SOX5: variants seen among roughly 807,000 people sequenced by gnomAD.
SOX5 encodes SRY-box transcription factor 5, also known as transcription factor SOX-5.
Under a neutral mutation model 92.0 loss-of-function variants are expected in SOX5, and 9 were observed. The observed-to-expected ratio is 0.10, with a 90% CI of 0.06 to 0.17. SOX5 has a LOEUF of 0.17. SOX5 is among the 10% of genes least tolerant of loss of function. The pLI is 1.00. For missense variants in SOX5, 642 were observed against 944.5 expected, an observed-to-expected ratio of 0.68 and a Z score of 4.20; for synonymous variants, 344 against 336.3, an observed-to-expected ratio of 1.02 and a Z score of -0.25.
In SOX5 at chr12:23,704,731, C is replaced by CACACAT. The variant is rs368949647; in HGVS notation, c.810+29952_810+29953insATGTGT. Among the ~76,000 whole-genome samples the CACACAT allele has an allele frequency of 3.5e-3, 462 of 130,914 alleles. 9 individuals are homozygous for CACACAT. Among genetic ancestry groups the CACACAT allele is most frequent in the African/African-American group, 0.012 (425 of 36,096 alleles). The allele number at this position is 130,914 out of a possible 152,430, so 85.9% of individuals were successfully genotyped here. A position where few individuals can be genotyped will look rare whatever the true frequency, so the allele number is the denominator to read the frequency against. ...ATATATATATACACACACACACACA[C>CACACAT]ATACACACATACATGCAGACAGATA... is the stretch of plus-strand genomic sequence containing the variant. On this transcript the variant is annotated intron_variant, in intron 6 of 14. Transcript: ENST00000451604.
intron 4 of SOX5, among the ~76,000 whole-genome samples, chr12:24,148,645 T>C (rs947580419): frequency 4.6e-5 from 6 of 129,888 alleles, no homozygotes; most frequent in African/African-American, 1.8e-4. Flanking sequence ...AGGACAAGAG[T>C]TTGAGACCAG....
chr12:23,974,132 A>G (rs1357074247), intron 4 of SOX5, among the ~76,000 whole-genome samples: 2 of 152,218 alleles, frequency 1.3e-5, no homozygotes, highest in Non-Finnish European at 2.9e-5. Context: ...ACAATGTACT[A>G]CAATAAAACA....
chr12:24,130,341 G>A (rs572028682), intron 4 of SOX5, among the ~76,000 whole-genome samples: 5 of 152,174 alleles, frequency 3.3e-5, no homozygotes, highest in Non-Finnish European at 7.4e-5. Context: ...TAGCTCCAAT[G>A]AGTAAGAAAT....
chr12:24,431,044 G>A (rs972426833), intron 1 of SOX5, among the ~76,000 whole-genome samples: 7 of 152,136 alleles, frequency 4.6e-5, no homozygotes, highest in African/African-American at 1.7e-4. Context: ...TCCCATAGAT[G>A]AGCAAATATA....
chr12:24,204,592 G>A (rs1241183123), intron 4 of SOX5, among the ~76,000 whole-genome samples: 9 of 152,116 alleles, frequency 5.9e-5, no homozygotes, highest in Admixed American at 5.2e-4. Context: ...GCCTCCCAAA[G>A]TGTTAAGATT....
chr12:24,251,459 T>G (rs905850005), intron 3 of SOX5, among the ~76,000 whole-genome samples: 2 of 152,204 alleles, frequency 1.3e-5, no homozygotes, highest in East Asian at 1.9e-4. Flanking sequence ...TTTGCCTTAT[T>G]TCTTAGGGTC....
chr12:23,835,590 T>C (rs984066002), intron 3 of SOX5, among the ~76,000 whole-genome samples: 2 of 151,902 alleles, frequency 1.3e-5, no homozygotes, highest in Non-Finnish European at 2.9e-5. Context: ...AAAAGTTTTC[T>C]GGAAAATTGA....
chr12:24,444,740 T>C (rs549887367), intron 1 of SOX5, among the ~76,000 whole-genome samples: 31 of 152,268 alleles, frequency 2.0e-4, no homozygotes, highest in African/African-American at 7.2e-4. Flanking sequence ...GGGAGGTATA[T>C]AGACAGCCCA....
intron 1 of SOX5, among the ~76,000 whole-genome samples, chr12:24,503,255 G>A (rs1438375717): frequency 6.6e-6 from 1 of 152,168 alleles, no homozygotes; most frequent in Non-Finnish European, 1.5e-5. Flanking sequence ...TTTTTAGCCA[G>A]GCATCATGGC....
intron 3 of SOX5, among the ~76,000 whole-genome samples, chr12:23,820,306 G>A (rs1459831158): frequency 6.6e-6 from 1 of 152,134 alleles, no homozygotes; most frequent in African/African-American, 2.4e-5. Flanking sequence ...TAAGTTCCTT[G>A]TAGATTCTGG....
intron 3 of SOX5, among the ~76,000 whole-genome samples, chr12:23,830,946 A>G (rs1439851584): frequency 6.6e-6 from 1 of 152,140 alleles, no homozygotes; most frequent in Non-Finnish European, 1.5e-5. Context: ...GGATGTTCAC[A>G]AGGCCAAATA....
intron 1 of SOX5, among the ~76,000 whole-genome samples, chr12:23,897,682 A>G (rs2097191118): frequency 1.3e-5 from 2 of 152,212 alleles, no homozygotes; most frequent in South Asian, 4.1e-4. Flanking sequence ...GTTTCACTAT[A>G]CAATCAACAT....
chr12:24,246,817 G>C (rs1382747101), intron 3 of SOX5, among the ~76,000 whole-genome samples: 1 of 152,008 alleles, frequency 6.6e-6, no homozygotes. Flanking sequence ...GGATACCCTA[G>C]TACTTCCAGA....
At chr12:23,881,256 A>G (rs550409936) in intron 2 of SOX5, among the ~76,000 whole-genome samples, 27 of 152,268 alleles carry the variant, frequency 1.8e-4, no homozygotes, top group Middle Eastern at 3.4e-3. Flanking sequence ...ACTGTATATC[A>G]CTTTATACAA....
At chr12:23,965,811 G>A (rs1042833574) in intron 4 of SOX5, among the ~76,000 whole-genome samples, 34 of 152,024 alleles carry the variant, frequency 2.2e-4, no homozygotes, top group Middle Eastern at 3.4e-3. Context: ...TTGAGATGGC[G>A]TTTCACTATG....
intron 4 of SOX5, among the ~76,000 whole-genome samples, chr12:23,965,164 G>C (rs1947401695): frequency 6.6e-6 from 1 of 152,208 alleles, no homozygotes; most frequent in Admixed American, 6.5e-5. Context: ...GGATTATCTC[G>C]ATGGTGTCCC....
upstream of SOX5, among the ~76,000 whole-genome samples, chr12:23,955,522 G>A (rs771191683): frequency 2.0e-5 from 3 of 152,182 alleles, no homozygotes; most frequent in East Asian, 3.9e-4. Context: ...CCTTTGCAAC[G>A]GAATTTCTGT....
intron 1 of SOX5, among the ~76,000 whole-genome samples, chr12:24,405,298 G>C (rs1320008771): frequency 6.6e-6 from 1 of 152,066 alleles, no homozygotes; most frequent in Non-Finnish European, 1.5e-5. Flanking sequence ...TATCATGGGG[G>C]GGTATACTAT....
intron 4 of SOX5, among the ~76,000 whole-genome samples, chr12:24,117,424 T>C (rs1383088104): frequency 6.6e-6 from 1 of 150,416 alleles, no homozygotes; most frequent in African/African-American, 2.4e-5. Flanking sequence ...AAACTAAAAA[T>C]AGATTTACTA....
Sources: gnomAD v4.1 joint callset for allele counts (sites outside exome capture counted in the v4.1 genomes callset) on GRCh38, gnomAD v4.1.1 for gene constraint, MANE v1.5 for transcripts, NCBI Gene and HGNC (gene_info 2026-07-23, HGNC 2026-07-21) for gene names.